The following CLEC5A variants were observed in gnomAD, a reference collection of about 807,000 sequenced individuals.
CLEC5A encodes C-type lectin domain family 5 member A.
A neutral mutation model predicts 24.4 loss-of-function variants in CLEC5A; 15 were observed. That is an observed-to-expected ratio of 0.62 (90% CI 0.41 to 0.95). The LOEUF (loss-of-function observed/expected upper bound fraction) is 0.95, where lower values mean the gene tolerates loss of function less well. Ranked by LOEUF, CLEC5A falls within the 40% of genes least tolerant of loss-of-function variation. CLEC5A has a pLI of 0.00. For missense variants in CLEC5A, 211 were observed against 224.0 expected (o/e 0.94, Z 0.37); for synonymous variants, 71 against 72.6 (o/e 0.98, Z 0.11).
In CLEC5A at chr7:141,929,549, A is replaced by G. The variant is rs1802389044; in HGVS notation, c.*555T>C. 6.6e-6 allele frequency: 1 copy of G among 152,340 alleles called. No individual in the cohort carries two copies. Among genetic ancestry groups the G allele is most frequent in the African/African-American group, 2.4e-5 (1 of 41,422 alleles). The allele number at this position is 152,340 out of a possible 1,614,324, so 9.4% of individuals were successfully genotyped here. On this transcript the variant is annotated 3_prime_UTR_variant, in exon 7 of 7. Coordinates refer to ENST00000546910, the MANE Select transcript of CLEC5A (RefSeq NM_013252.3). Reference sequence around the variant, plus strand: ...CCTGCCCAGACCTCTCTCCATTCCCATAAACAATGCTGCTGTCCGTGCTGC... The same window carrying G: ...CCTGCCCAGACCTCTCTCCATTCCCGTAAACAATGCTGCTGTCCGTGCTGC...
At chr7:141,932,430 A>C (rs1245508244) in intron 5 of CLEC5A, among the ~76,000 whole-genome samples, 1 of 152,214 alleles carries the variant, frequency 6.6e-6, no homozygotes, top group Non-Finnish European at 1.5e-5. Context: ...TTCTGTAATT[A>C]ATTGGTGAGT....
chr7:141,942,285 T>A (rs1802817007), intron 4 of CLEC5A, among the ~76,000 whole-genome samples: 1 of 152,036 alleles, frequency 6.6e-6, no homozygotes, highest in African/African-American at 2.4e-5. Flanking sequence ...ACGTCTATAG[T>A]GAACTCATTG....
chr7:141,943,135 G>C (rs113982196), intron 4 of CLEC5A, among the ~76,000 whole-genome samples: 3 of 152,140 alleles, frequency 2.0e-5, no homozygotes, highest in South Asian at 2.1e-4. Flanking sequence ...CGTTTTTATC[G>C]CAACACTATT....
At chr7:141,943,106 G>A (rs1238030373) in intron 4 of CLEC5A, among the ~76,000 whole-genome samples, 2 of 152,052 alleles carry the variant, frequency 1.3e-5, no homozygotes, top group African/African-American at 4.8e-5. Flanking sequence ...TCAGTATATT[G>A]AAGAGACATC....
intron 6 of CLEC5A, 94 bp from the exon 7 acceptor site, chr7:141,930,312 G>T: frequency 1.1e-6 from 1 of 924,658 alleles, no homozygotes; most frequent in East Asian, 2.6e-5. Flanking sequence ...CCTGATTCCA[G>T]AGTGAGAGTC....
intron 6 of CLEC5A, among the ~76,000 whole-genome samples, chr7:141,931,160 T>C (rs1554440310): frequency 6.6e-6 from 1 of 152,202 alleles, no homozygotes; most frequent in Non-Finnish European, 1.5e-5. Flanking sequence ...AAAGAAGGCA[T>C]ATCTGGGGAA....
chr7:141,935,685 A>T (rs1802596796), intron 5 of CLEC5A, 129 bp downstream of exon 5: 1 of 782,162 alleles, frequency 1.3e-6, no homozygotes, highest in Admixed American at 2.5e-5. Flanking sequence ...AAATAGCTTC[A>T]GTTTTTCAGC....
intron 4 of CLEC5A, among the ~76,000 whole-genome samples, chr7:141,943,525 A>G (rs1802860436): frequency 6.6e-6 from 1 of 152,148 alleles, no homozygotes; most frequent in Non-Finnish European, 1.5e-5. Flanking sequence ...CTGGCACAAC[A>G]GGGTGACTAT....
chr7:141,935,978 G>C, intron 4 of CLEC5A, 28 bp from the exon 5 acceptor site: 1 of 1,602,778 alleles, frequency 6.2e-7, no homozygotes, highest in Non-Finnish European at 8.5e-7. Flanking sequence ...AGGAGAGTAC[G>C]AGTTTACTGG....
At chr7:141,934,613 G>GTTTTTTTTTTTTTTTTTT in intron 5 of CLEC5A, among the ~76,000 whole-genome samples, 1 of 61,786 alleles carries the variant, frequency 1.6e-5, no homozygotes, top group Non-Finnish European at 2.9e-5. Flanking sequence ...TTTCTTTAAC[G>GTTTTTTTTTTTTTTTTTT]TTTTTTTTTT....
chr7:141,934,980 CCT>C (rs1198916837), intron 5 of CLEC5A, among the ~76,000 whole-genome samples: 1 of 152,086 alleles, frequency 6.6e-6, no homozygotes, highest in East Asian at 1.9e-4. Context: ...TTTTCATTCC[CCT>C]GTCTTGCTCC....
In CLEC5A at chr7:141,927,711, C is replaced by T. The variant is rs1802339435; in HGVS notation, c.*2393G>A. 1 of 152,174 alleles carries T rather than the reference C, an allele frequency of 6.6e-6. No individual in the cohort carries two copies. Among genetic ancestry groups the T allele is most frequent in the South Asian group, 2.1e-4 (1 of 4,834 alleles). The allele number at this position is 152,174 out of a possible 1,614,324, so 9.4% of individuals were successfully genotyped here. A position where few individuals can be genotyped will look rare whatever the true frequency, so the allele number is the denominator to read the frequency against. On this transcript the variant is annotated 3_prime_UTR_variant, in exon 7 of 7. Coordinates refer to ENST00000546910, the MANE Select transcript of CLEC5A (RefSeq NM_013252.3). ...GCCACAACATTTTTAAGGCACCCTT[C>T]TCTGACTTGCACAAATTTTTATTCC... is the stretch of plus-strand genomic sequence containing the variant.
intron 4 of CLEC5A, among the ~76,000 whole-genome samples, chr7:141,940,656 T>A (rs1802764056): frequency 1.4e-5 from 2 of 142,496 alleles, no homozygotes; most frequent in South Asian, 2.2e-4. Flanking sequence ...TTTGAAAAGA[T>A]AAACAAAATC....
chr7:141,945,327 A>G lies in CLEC5A; in HGVS notation c.139+14T>C, dbSNP rs1802920398. On this transcript the variant is annotated intron_variant, in intron 3 of 6. Coordinates refer to ENST00000546910, the MANE Select transcript of CLEC5A (RefSeq NM_013252.3). ...CAGGAGGATGGGGAGAAGATTTACCACCATGCAGATTACCTGTTCCATAGC... is the reference window on the plus strand; with the variant it reads ...CAGGAGGATGGGGAGAAGATTTACCGCCATGCAGATTACCTGTTCCATAGC... The G allele has an allele frequency of 6.3e-7, 1 of 1,590,518 alleles. No homozygotes were observed. The highest frequency in any genetic ancestry group is 8.6e-7 in the Non-Finnish European group (1 of 1,158,472).
At chr7:141,946,161 T>A in intron 2 of CLEC5A, 53 bp downstream of exon 2, 1 of 1,526,580 alleles carries the variant, frequency 6.6e-7, no homozygotes, top group South Asian at 1.2e-5. Flanking sequence ...GAGAGAAGAG[T>A]CAATGAGCAA....
rs1246868459 is a variant in CLEC5A at position 141,929,178 on chromosome 7, G to T, written c.*926C>A. ...TTCTAGATCAATGTGATGCCAATCA[G>T]TGCCAGGCTCCTTGGGGTCAGTAGG... On this transcript the variant is annotated 3_prime_UTR_variant, in exon 7 of 7. Coordinates refer to ENST00000546910, the MANE Select transcript of CLEC5A (RefSeq NM_013252.3). 6.6e-6 allele frequency: 1 copy of T among 152,248 alleles called. No individual in the cohort carries two copies. Among genetic ancestry groups the T allele is most frequent in the Admixed American group, 6.5e-5 (1 of 15,280 alleles). 9.4% of individuals were successfully genotyped at this position (152,248 alleles called of 1,614,324 possible).
rs1584845340 is a variant in CLEC5A at position 141,934,623 on chromosome 7, T to G, written c.345+1191A>C. Among the ~76,000 whole-genome samples the G allele has an allele frequency of 4.1e-5, 5 of 123,110 alleles. No homozygotes were observed. The East Asian group carries it at 9.9e-4, about 24-fold the overall frequency. The allele number at this position is 123,110 out of a possible 152,430, so 80.8% of individuals were successfully genotyped here. A position where few individuals can be genotyped will look rare whatever the true frequency, so the allele number is the denominator to read the frequency against. On this transcript the variant is annotated intron_variant, in intron 5 of 6. Coordinates refer to ENST00000546910, the MANE Select transcript of CLEC5A (RefSeq NM_013252.3). Reference sequence around the variant, plus strand: ...GTCTTTTTCTTTAACGTTTTTTTTTTTTTTTTTTTTTTTTTTTTTTGAGAC... The same window carrying G: ...GTCTTTTTCTTTAACGTTTTTTTTTGTTTTTTTTTTTTTTTTTTTTGAGAC...
At chr7:141,931,531 T>G in intron 6 of CLEC5A, 189 bp downstream of exon 6, 1 of 547,028 alleles carries the variant, frequency 1.8e-6, no homozygotes, top group Non-Finnish European at 3.3e-6. Flanking sequence ...CTTATGAAAG[T>G]TTGATCTCTT....
rs1802950454 is a variant in CLEC5A at position 141,946,214 on chromosome 7, A to G, written c.79T>C (p.Phe27Leu). ...VVGMTLFLLY[F>L]PQIFNKSNDG... ...GGCAAGAGGTTGCTCAAATACTCAC[A>G]ATAAAGTAGAAATAAGGTCATTCCA... Residue 27 changes from phenylalanine to leucine, a missense_variant and splice_region_variant, in exon 2 of 7, where the codon TTC (phenylalanine) becomes CTC (leucine). Coordinates refer to ENST00000546910, the MANE Select transcript of CLEC5A (RefSeq NM_013252.3). 6.4e-7 allele frequency: 1 copy of G among 1,561,224 alleles called. No homozygotes were observed.
Sources: gnomAD v4.1 joint callset for allele counts (sites outside exome capture counted in the v4.1 genomes callset) on GRCh38, gnomAD v4.1.1 for gene constraint, MANE v1.5 for transcripts, NCBI Gene and HGNC (gene_info 2026-07-23, HGNC 2026-07-21) for gene names.